The following NCOA2 variants were observed in gnomAD, a reference collection of about 807,000 sequenced individuals.
NCOA2 encodes the protein class E basic helix-loop-helix protein 75.
NCOA2 carries 21 observed loss-of-function variants against 145.1 expected under a neutral mutation model. That is an observed-to-expected ratio of 0.14 (90% CI 0.10 to 0.21). The LOEUF (loss-of-function observed/expected upper bound fraction) is 0.21, where lower values mean the gene tolerates loss of function less well. Ranked by LOEUF, NCOA2 falls within the 10% of genes least tolerant of loss-of-function variation. NCOA2 has a pLI of 1.00. For missense variants in NCOA2, 1,472 were observed against 1,837.6 expected (o/e 0.80, Z 3.64); for synonymous variants, 619 against 637.5 (o/e 0.97, Z 0.44).
chr8:70,445,733 C>T, the NCOA2 span, among the ~76,000 whole-genome samples: 1 of 152,140 alleles, frequency 6.6e-6, no homozygotes, highest in Non-Finnish European at 1.5e-5. Context: ...GGCTTCCCAG[C>T]CTTGGAGTGC....
chr8:70,370,985 C>T (rs898473297), intron 1 of NCOA2, among the ~76,000 whole-genome samples: 2 of 152,164 alleles, frequency 1.3e-5, no homozygotes, highest in Admixed American at 1.3e-4. Context: ...AATTAAGCCA[C>T]CTTAAAAAAT....
intron 1 of NCOA2, chr8:70,402,268 A>C (rs1234748326): frequency 6.6e-6 from 1 of 152,036 alleles, no homozygotes; most frequent in Non-Finnish European, 1.5e-5. Flanking sequence ...GAGGAGGTGG[A>C]GAGGGAGTGG....
intron 2 of NCOA2, chr8:70,273,749 A>G: frequency 1.6e-6 from 1 of 606,864 alleles, no homozygotes; most frequent in Non-Finnish European, 3.2e-6. Context: ...CTGTGGGTGG[A>G]AAAGCACCAC....
At chr8:70,326,728 G>C (rs1806620350) in intron 1 of NCOA2, among the ~76,000 whole-genome samples, 2 of 152,116 alleles carry the variant, frequency 1.3e-5, no homozygotes, top group Non-Finnish European at 2.9e-5. Flanking sequence ...TTCACTCCTA[G>C]ACATACTGGT....
At chr8:70,438,664 C>T in the NCOA2 span, among the ~76,000 whole-genome samples, 4 of 152,156 alleles carry the variant, frequency 2.6e-5, no homozygotes, top group Non-Finnish European at 5.9e-5. Context: ...ATTGAGGACT[C>T]GTTGCCATTG....
At chr8:70,174,912 T>A in intron 4 of NCOA2, 53 bp from the exon 5 acceptor site, 1 of 1,494,106 alleles carries the variant, frequency 6.7e-7, no homozygotes, top group Non-Finnish European at 9.3e-7. Flanking sequence ...AAGGACAGAG[T>A]GACACAGAAA....
At chr8:70,435,141 C>T in the NCOA2 span, among the ~76,000 whole-genome samples, 28 of 152,076 alleles carry the variant, frequency 1.8e-4, no homozygotes, top group African/African-American at 6.5e-4. Context: ...AGAATACACA[C>T]TCGGCCGGGC....
At chr8:70,252,121 T>C in intron 2 of NCOA2, among the ~76,000 whole-genome samples, 1 of 152,248 alleles carries the variant, frequency 6.6e-6, no homozygotes, top group East Asian at 1.9e-4. Context: ...ATATTTTTGA[T>C]CCATGGTTAG....
intron 2 of NCOA2, among the ~76,000 whole-genome samples, chr8:70,281,339 G>C (rs1325643850): frequency 8.5e-6 from 1 of 118,188 alleles, no homozygotes; most frequent in Non-Finnish European, 1.6e-5. Context: ...CTGGGTGACA[G>C]AGCGAGACCC....
chr8:70,131,699 G>T, intron 16 of NCOA2, 138 bp downstream of exon 16: 1 of 912,630 alleles, frequency 1.1e-6, no homozygotes, highest in Non-Finnish European at 1.6e-6. Flanking sequence ...GAAGAAACAG[G>T]GCCAGCCTGT....
At chr8:70,412,932 T>C in the NCOA2 span, among the ~76,000 whole-genome samples, 2 of 151,800 alleles carry the variant, frequency 1.3e-5, no homozygotes, top group Non-Finnish European at 2.9e-5. Flanking sequence ...ACCCTGTCTC[T>C]ACTAAAAATA....
rs536456033 is a variant in NCOA2, at chr8:70,118,405, G to A, written c.4383+2897C>T. ...CTCATTTCCTGTACTCAGTGGAGGAGAGAACAGGATTGGCACCAGGAAAGA... is the reference window on the plus strand; with the variant it reads ...CTCATTTCCTGTACTCAGTGGAGGAAAGAACAGGATTGGCACCAGGAAAGA... On this transcript the variant is annotated intron_variant, in intron 22 of 22. Coordinates refer to ENST00000452400, the MANE Select transcript of NCOA2 (RefSeq NM_006540.4). Among the ~76,000 whole-genome samples, 3 of 152,146 alleles carry A rather than the reference G, an allele frequency of 2.0e-5. No homozygotes were observed. In the East Asian group the frequency reaches 5.8e-4, roughly 29 times the overall value.
At chr8:70,453,384 CCTT>C in the NCOA2 span, among the ~76,000 whole-genome samples, 3 of 152,200 alleles carry the variant, frequency 2.0e-5, no homozygotes, top group Admixed American at 1.3e-4. Flanking sequence ...GGAGTTGCCT[CCTT>C]CTTCACACAT....
intron 4 of NCOA2, among the ~76,000 whole-genome samples, chr8:70,211,134 C>T (rs538656277): frequency 6.6e-6 from 1 of 152,214 alleles, no homozygotes; most frequent in Admixed American, 6.5e-5. Context: ...GCATGGGTTG[C>T]ACAGATTTTC....
chr8:70,292,199 T>C lies in NCOA2; in HGVS notation c.-20+4545A>G, dbSNP rs551266525. 9.0e-4 allele frequency among the ~76,000 whole-genome samples: 136 copies of C among 151,924 alleles called. 1 individual carries two copies. The highest frequency in any genetic ancestry group is 3.2e-3 in the African/African-American group (131 of 41,494). On this transcript the variant is annotated intron_variant, in intron 2 of 22. Transcript: ENST00000452400. ...GCCAGGCTGGCGTGCAGTGGCCAGG[T>C]TGCAGTGCGGTGGCGTGATCTCGGC...
chr8:70,288,449 G>A (rs1826409720), intron 2 of NCOA2, among the ~76,000 whole-genome samples: 1 of 152,084 alleles, frequency 6.6e-6, no homozygotes, highest in Non-Finnish European at 1.5e-5. Context: ...GCATGGTGGT[G>A]CGCACCTTTA....
At chr8:70,359,660 AT>A (rs1277021702) in intron 1 of NCOA2, among the ~76,000 whole-genome samples, 1 of 152,180 alleles carries the variant, frequency 6.6e-6, no homozygotes, top group Non-Finnish European at 1.5e-5. Flanking sequence ...ACAAAATATT[AT>A]GCATGTACCA....
intron 2 of NCOA2, among the ~76,000 whole-genome samples, chr8:70,242,123 A>G (rs760757988): frequency 1.3e-5 from 2 of 152,146 alleles, no homozygotes; most frequent in South Asian, 2.1e-4. Context: ...TAACTTAAAC[A>G]TAAGCCTCAT....
chr8:70,123,944 G>A lies in NCOA2; in HGVS notation c.4233C>T (p.Ile1411=), dbSNP rs765116146. ...MSSMNQMTGQ[I]SMTSVTSVPT... ...GCACGGAGGTCACTGAGGTCATGCT[G>A]ATCTGTCCTGTCATCTGGTTCATGC... The change falls in exon 21 of 23, where the codon ATC becomes ATT. Residue 1411 remains isoleucine (I), a synonymous_variant. Transcript: ENST00000452400. 4 of 1,613,990 alleles carry A rather than the reference G, an allele frequency of 2.5e-6. No individual in the cohort carries two copies. The South Asian group carries it at 3.3e-5, about 13-fold the overall frequency.
Sources: gnomAD v4.1 joint callset for allele counts (sites outside exome capture counted in the v4.1 genomes callset) on GRCh38, gnomAD v4.1.1 for gene constraint, MANE v1.5 for transcripts, NCBI Gene and HGNC (gene_info 2026-07-23, HGNC 2026-07-21) for gene names.